The following OR1J2 variants were observed in gnomAD, a reference collection of about 807,000 sequenced individuals.
OR1J2 encodes olfactory receptor 1J2.
For missense variants in OR1J2, 304 were observed against 246.1 expected (o/e 1.24, Z -1.57); for synonymous variants, 142 against 99.7 (o/e 1.42, Z -2.52).
chr9:122,547,643 G>A, the OR1J2 span, among the ~76,000 whole-genome samples: 1 of 151,894 alleles, frequency 6.6e-6, no homozygotes, highest in Non-Finnish European at 1.5e-5. Context: ...GTGTGTGTGT[G>A]TGTGTGTGTG....
At chr9:122,546,771 G>A in the OR1J2 span, among the ~76,000 whole-genome samples, 1 of 152,032 alleles carries the variant, frequency 6.6e-6, no homozygotes, top group African/African-American at 2.4e-5. Flanking sequence ...GAAGAATAAC[G>A]CAAAGCAAAA....
At chr9:122,520,733 T>C in the OR1J2 span, among the ~76,000 whole-genome samples, 1 of 152,364 alleles carries the variant, frequency 6.6e-6, no homozygotes, top group African/African-American at 2.4e-5. Context: ...GTCTTCACAG[T>C]CAGGAGCCTT....
the OR1J2 span, among the ~76,000 whole-genome samples, chr9:122,456,148 T>A: frequency 6.6e-6 from 1 of 152,224 alleles, no homozygotes; most frequent in South Asian, 2.1e-4. Context: ...AATTTGTTCT[T>A]ATTTTTCAAT....
At chr9:122,508,750 T>C (rs1828576435), upstream of OR1J2, among the ~76,000 whole-genome samples, 1 of 152,210 alleles carries the variant, frequency 6.6e-6, no homozygotes, top group Non-Finnish European at 1.5e-5. Context: ...CCAGTGCTGA[T>C]GTATCAGTTT....
At chr9:122,563,907 A>T in the OR1J2 span, among the ~76,000 whole-genome samples, 1 of 152,220 alleles carries the variant, frequency 6.6e-6, no homozygotes, top group Non-Finnish European at 1.5e-5. Flanking sequence ...CTTTGTCAAA[A>T]ATCAGTTGGC....
the OR1J2 span, among the ~76,000 whole-genome samples, chr9:122,455,388 CATG>C: frequency 2.0e-5 from 3 of 152,266 alleles, no homozygotes; most frequent in Non-Finnish European, 4.4e-5. Flanking sequence ...TGTTGATAGC[CATG>C]ATAAGGGGTA....
chr9:122,513,970 A>T (rs1828669578), downstream of OR1J2, among the ~76,000 whole-genome samples: 1 of 152,264 alleles, frequency 6.6e-6, no homozygotes, highest in African/African-American at 2.4e-5. Flanking sequence ...TGAATAAAAT[A>T]AAACATCTTA....
At chr9:122,541,877 CT>C in the OR1J2 span, among the ~76,000 whole-genome samples, 1 of 152,170 alleles carries the variant, frequency 6.6e-6, no homozygotes, top group Admixed American at 6.5e-5. Context: ...GTCCATGAAT[CT>C]GAAGAGCACA....
At chr9:122,548,454 C>A in the OR1J2 span, among the ~76,000 whole-genome samples, 9 of 152,166 alleles carry the variant, frequency 5.9e-5, no homozygotes, top group Non-Finnish European at 1.2e-4. Context: ...CCAGAGCAAT[C>A]TTCTTGCACC....
the OR1J2 span, among the ~76,000 whole-genome samples, chr9:122,491,032 AAG>A: frequency 1.3e-5 from 2 of 152,178 alleles, no homozygotes; most frequent in Non-Finnish European, 2.9e-5. Flanking sequence ...AAGTGTGTAT[AAG>A]AGAGTGACCA....
At chr9:122,569,640 A>G in the OR1J2 span, among the ~76,000 whole-genome samples, 1 of 121,128 alleles carries the variant, frequency 8.3e-6, no homozygotes, top group African/African-American at 3.1e-5. Context: ...TTGCACCACC[A>G]AGATGTTTGA....
chr9:122,497,258 C>A, the OR1J2 span, among the ~76,000 whole-genome samples: 2 of 152,158 alleles, frequency 1.3e-5, no homozygotes, highest in East Asian at 1.9e-4. Context: ...GTTCTTGGAA[C>A]AAAATTTCAG....
chr9:122,530,965 C>T, the OR1J2 span, among the ~76,000 whole-genome samples: 10 of 152,138 alleles, frequency 6.6e-5, no homozygotes, highest in East Asian at 1.9e-4. Flanking sequence ...GCGCAGGTCA[C>T]AGGGGATATG....
chr9:122,561,336 C>T, the OR1J2 span, among the ~76,000 whole-genome samples: 1 of 152,170 alleles, frequency 6.6e-6, no homozygotes, highest in South Asian at 2.1e-4. Flanking sequence ...AAGCCTGCCT[C>T]TGTCAGTTCA....
the OR1J2 span, among the ~76,000 whole-genome samples, chr9:122,522,179 C>T: frequency 6.6e-6 from 1 of 152,192 alleles, no homozygotes; most frequent in Non-Finnish European, 1.5e-5. Context: ...GAGTTTAGAA[C>T]AAAGCTTGCT....
At chr9:122,503,865 T>C in the OR1J2 span, among the ~76,000 whole-genome samples, 44 of 152,328 alleles carry the variant, frequency 2.9e-4, no homozygotes, top group Admixed American at 5.2e-4. Flanking sequence ...TCACAGTTGT[T>C]TAGAGCCACC....
At chr9:122,500,833 A>T in the OR1J2 span, among the ~76,000 whole-genome samples, 1 of 152,182 alleles carries the variant, frequency 6.6e-6, no homozygotes, top group Non-Finnish European at 1.5e-5. Context: ...TTTGCTCAAT[A>T]CTGAAAAAAA....
chr9:122,552,124 G>A, the OR1J2 span, among the ~76,000 whole-genome samples: 11 of 134,890 alleles, frequency 8.2e-5, no homozygotes, highest in African/African-American at 2.9e-4. Context: ...TCGATGATCA[G>A]GTGACCAGGC....
At chr9:122,448,570 C>T in the OR1J2 span, among the ~76,000 whole-genome samples, 3 of 152,148 alleles carry the variant, frequency 2.0e-5, no homozygotes, top group African/African-American at 7.2e-5. Context: ...TCCAGGCTAT[C>T]TCAGTAGGGA....
Sources: gnomAD v4.1 joint callset for allele counts (sites outside exome capture counted in the v4.1 genomes callset) on GRCh38, gnomAD v4.1.1 for gene constraint, MANE v1.5 for transcripts, NCBI Gene and HGNC (gene_info 2026-07-23, HGNC 2026-07-21) for gene names.